Variants in LTF observed in about 807,000 individuals in gnomAD.
LTF encodes lactotransferrin.
Under a neutral mutation model 87.2 loss-of-function variants are expected in LTF, and 91 were observed. The ratio of observed to expected loss-of-function variants is 1.04; its 90% CI spans 0.88 to 1.24. The LOEUF (loss-of-function observed/expected upper bound fraction) is 1.24. Among genes scored for constraint, LTF ranks in the 50% most tolerant of loss-of-function variants. LTF has a pLI of 0.00. For missense variants in LTF, 901 were observed against 904.3 expected, an observed-to-expected ratio of 1.00 and a Z score of 0.05; for synonymous variants, 378 against 356.1, an observed-to-expected ratio of 1.06 and a Z score of -0.69.
chr3:46,464,012 T>C (rs1334631079), intron 1 of LTF, among the ~76,000 whole-genome samples: 1 of 152,174 alleles, frequency 6.6e-6, no homozygotes, highest in Non-Finnish European at 1.5e-5. Context: ...GTGTGACACC[T>C]GGGCTTTCAC....
chr3:46,438,858 A>T (rs539151919), intron 15 of LTF, among the ~76,000 whole-genome samples: 1 of 152,338 alleles, frequency 6.6e-6, no homozygotes, highest in East Asian at 1.9e-4. Context: ...CCCTAAATCT[A>T]TAGGGCACCT....
chr3:46,452,673 G>A (rs376368708), intron 6 of LTF, among the ~76,000 whole-genome samples: 185 of 152,292 alleles, frequency 1.2e-3, no homozygotes, highest in Non-Finnish European at 2.1e-3. Flanking sequence ...CAGAAAAAAT[G>A]CAAATACACC....
chr3:46,480,337 G>C (rs1293619406), intron 1 of LTF, among the ~76,000 whole-genome samples: 1 of 152,188 alleles, frequency 6.6e-6, no homozygotes, highest in African/African-American at 2.4e-5. Flanking sequence ...CATTTCCAGA[G>C]TTTGGACTCC....
intron 1 of LTF, chr3:46,460,549 C>T (rs1306455631): frequency 4.4e-6 from 2 of 455,358 alleles, no homozygotes; most frequent in South Asian, 3.1e-5. Context: ...GAGGAAGATG[C>T]ATTGAATTTA....
At chr3:46,440,817 G>A (rs1286298449) in intron 14 of LTF, among the ~76,000 whole-genome samples, 1 of 152,198 alleles carries the variant, frequency 6.6e-6, no homozygotes, top group Non-Finnish European at 1.5e-5. Context: ...GTGGGGCTAA[G>A]GAGACAGATG....
At chr3:46,438,265 A>G (rs1702434654) in intron 15 of LTF, 136 bp from the exon 16 acceptor site, 1 of 738,362 alleles carries the variant, frequency 1.4e-6, no homozygotes, top group African/African-American at 1.8e-5. Flanking sequence ...TTCTGGAGTC[A>G]TTCCACCTCC....
chr3:46,450,062 G>A (rs1400495967), intron 7 of LTF, 34 bp from the exon 8 acceptor site: 2 of 1,495,270 alleles, frequency 1.3e-6, no homozygotes, highest in Middle Eastern at 1.8e-4. Context: ...TGGTGTCAAT[G>A]GTAAATAGGG....
chr3:46,456,158 C>T (rs1198232518), intron 3 of LTF, 132 bp downstream of exon 3: 1 of 922,032 alleles, frequency 1.1e-6, no homozygotes, highest in Non-Finnish European at 1.6e-6. Flanking sequence ...GGCCCAGAGC[C>T]CAGCGACTCC....
chr3:46,461,780 G>A (rs75140536), intron 1 of LTF, among the ~76,000 whole-genome samples: 18,175 of 151,962 alleles, frequency 0.12, 1,294 homozygotes, highest in Admixed American at 0.21. Flanking sequence ...TTTATGATAT[G>A]GAAAATGTAC....
chr3:46,484,115 C>G (rs1703486053), intron 1 of LTF, among the ~76,000 whole-genome samples: 1 of 152,156 alleles, frequency 6.6e-6, no homozygotes, highest in African/African-American at 2.4e-5. Flanking sequence ...GGCCTCCTCC[C>G]TCAAATGTCA....
rs370297211 is a variant in LTF, at chr3:46,482,868, AAGAG to A, written c.-320+2114_-320+2117del. On this transcript the variant is annotated intron_variant, in intron 1 of 19. Transcript: ENST00000443496. The stretch of plus-strand genomic sequence containing the variant: ...GAGGGACAAGAGACAGACAGAGAGA[AAGAG>A]AGAGAAAGAAAACAAAGAAGAAAGA... Among the ~76,000 whole-genome samples the A allele has an allele frequency of 4.5e-3, 689 of 152,210 alleles. 12 individuals carry two copies. The highest frequency in any genetic ancestry group is 0.016 in the African/African-American group (650 of 41,558).
chr3:46,476,716 C>G (rs1338859224), intron 1 of LTF, among the ~76,000 whole-genome samples: 1 of 152,152 alleles, frequency 6.6e-6, no homozygotes, highest in Non-Finnish European at 1.5e-5. Context: ...AATCACTACC[C>G]CAGAGGTGAT....
intron 2 of LTF, among the ~76,000 whole-genome samples, chr3:46,458,480 G>A (rs942354343): frequency 6.6e-6 from 1 of 152,168 alleles, no homozygotes; most frequent in African/African-American, 2.4e-5. Context: ...AGATTTTGTG[G>A]CTTCTTTCAC....
At chr3:46,447,453 C>T (rs1702684283) in intron 9 of LTF, 55 bp from the exon 10 acceptor site, 2 of 1,198,322 alleles carry the variant, frequency 1.7e-6, no homozygotes, top group South Asian at 2.4e-5. Flanking sequence ...CCCGTCCTGC[C>T]TGTCTATATA....
chr3:46,464,742 G>A (rs1163379479), intron 1 of LTF, 83 bp downstream of exon 1: 18 of 1,516,926 alleles, frequency 1.2e-5, no homozygotes, highest in South Asian at 5.7e-5. Flanking sequence ...CCAGCCAACC[G>A]GACACAGGGA....
intron 2 of LTF, among the ~76,000 whole-genome samples, chr3:46,457,880 C>T (rs928373059): frequency 2.0e-5 from 3 of 151,958 alleles, no homozygotes; most frequent in Admixed American, 6.6e-5. Context: ...CGGGTTAAAG[C>T]GATTCTCTTG....
In LTF at chr3:46,480,045, T is replaced by C. The variant is rs1016187372; in HGVS notation, c.-320+4941A>G. Among the ~76,000 whole-genome samples the C allele has an allele frequency of 2.0e-5, 3 of 152,052 alleles. No individual in the cohort carries two copies. The South Asian group carries it at 6.2e-4, about 32-fold the overall frequency. ...TGGGGAAGACTGGGAATAAAGCAGA[T>C]TGAGGAGGAGGTGGATCAGAAGCTC... is the stretch of plus-strand genomic sequence containing the variant. On this transcript the variant is annotated intron_variant, in intron 1 of 19. Coordinates refer to the LTF transcript ENST00000443496.
At chr3:46,478,415 T>C (rs1267520801) in intron 1 of LTF, among the ~76,000 whole-genome samples, 2 of 152,212 alleles carry the variant, frequency 1.3e-5, no homozygotes, top group Non-Finnish European at 2.9e-5. Flanking sequence ...AAGGTCGCTA[T>C]GTTGGTGACA....
intron 1 of LTF, among the ~76,000 whole-genome samples, chr3:46,475,706 T>TA (rs946128953): frequency 2.6e-5 from 4 of 151,900 alleles, no homozygotes; most frequent in South Asian, 4.2e-4. Flanking sequence ...TTTTTTAAGT[T>TA]AAAAAAAACT....
Sources: gnomAD v4.1 joint callset for allele counts (sites outside exome capture counted in the v4.1 genomes callset) on GRCh38, gnomAD v4.1.1 for gene constraint, MANE v1.5 for transcripts, NCBI Gene and HGNC (gene_info 2026-07-23, HGNC 2026-07-21) for gene names.